Variants in APOB observed in about 807,000 individuals in gnomAD.
APOB encodes apolipoprotein B, also known as apolipoprotein B-100.
A neutral mutation model predicts 314.1 loss-of-function variants in APOB; 153 were observed. The ratio of observed to expected loss-of-function variants is 0.49; its 90% confidence interval spans 0.43 to 0.56. The LOEUF (loss-of-function observed/expected upper bound fraction) is 0.56. Among genes scored for constraint, APOB ranks in the 20% least tolerant of loss-of-function variants. APOB has a pLI of 0.00. For missense variants in APOB, 5,430 were observed against 5,350.7 expected (o/e 1.01, Z -0.46); for synonymous variants, 2,087 against 2,036.4 (o/e 1.02, Z -0.67).
Position 21,016,540 on chromosome 2 carries a change from G to A in APOB, c.3231C>T (p.Leu1077=), listed in dbSNP as rs1663468272. ...PDFDVDLGTI[L]RVNDESTEGK... ...CCTCAGTAGATTCATCATTAACTCT[G>A]AGGATTGTTCCGAGGTCAACATCAA... The change falls in exon 21 of 29, where the codon CTC becomes CTT. Residue 1077 remains leucine, a synonymous_variant. Coordinates refer to ENST00000233242, the MANE Select transcript of APOB (RefSeq NM_000384.3). 3.7e-6 allele frequency: 6 copies of A among 1,606,444 alleles called. No homozygotes were observed. The highest frequency in any genetic ancestry group is 4.3e-6 in the Non-Finnish European group (5 of 1,172,950).
In APOB at chr2:21,006,665, CAG is replaced by C. The variant is rs1453692274; in HGVS notation, c.10201_10202del (p.Leu3401GlufsTer8). The C allele has an allele frequency of 6.2e-7, 1 of 1,614,086 alleles. No homozygotes were observed. Among genetic ancestry groups the C allele is most frequent in the South Asian group, 1.1e-5 (1 of 91,080 alleles). On this transcript the variant is annotated frameshift_variant, in exon 26 of 29. Transcript: ENST00000233242. LOFTEE classifies it high-confidence loss of function. ...GACTACCCTCCACAAATTTGTTGCT[CAG>C]AGACAGAGCTGTGGCTAACTTCAAT... ...RGLKLATALS[L>X]SNKFVEGSHN...
At position 21,019,729 on chromosome 2, in the gene APOB, TC is replaced by T; in HGVS notation, c.2992del (p.Asp998ThrfsTer4). The T allele has an allele frequency of 6.2e-7, 1 of 1,614,084 alleles. No individual in the cohort carries two copies. Among genetic ancestry groups the T allele is most frequent in the Admixed American group, 1.7e-5 (1 of 60,018 alleles). On this transcript the variant is annotated frameshift_variant, in exon 19 of 29. Coordinates refer to ENST00000233242, the MANE Select transcript of APOB (RefSeq NM_000384.3). LOFTEE classifies it high-confidence loss of function. Reference protein sequence around the residue: ...DSASYYPLTGDTRLELELRPT... With the variant: ...DSASYYPLTGXTRLELELRPT... ...GGCACTGAGCATCTCTAACCTGGTG[TC>T]CCCGGTCAGCGGATAGTAGGAGGCG... is the stretch of plus-strand genomic sequence containing the variant.
At chr2:21,013,131 G>T (rs182531066) in intron 25 of APOB, 29 bp downstream of exon 25, 1 of 1,612,336 alleles carries the variant, frequency 6.2e-7, no homozygotes, top group African/African-American at 1.3e-5. Context: ...GAACTAGCCC[G>T]GTGCACCCTT....
At chr2:21,035,447 G>C in intron 7 of APOB, 137 bp downstream of exon 7, 2 of 1,141,324 alleles carry the variant, frequency 1.8e-6, no homozygotes, top group Non-Finnish European at 2.6e-6. Context: ...TAAAAAGGGG[G>C]ACAGGGAGGG....
intron 6 of APOB, among the ~76,000 whole-genome samples, chr2:21,036,142 G>A (rs1053754831): frequency 6.6e-6 from 1 of 152,128 alleles, no homozygotes; most frequent in Non-Finnish European, 1.5e-5. Context: ...TCAGGCCCAG[G>A]ACTTCTTGTC....
In APOB at chr2:21,009,951, G is replaced by A. The variant is rs761315727; in HGVS notation, c.6917C>T (p.Ser2306Leu). The A allele has an allele frequency of 4.3e-6, 7 of 1,613,650 alleles. No homozygotes were observed. The South Asian group carries it at 6.6e-5, about 15-fold the overall frequency. ...VLLDQLGTTI[S>L]FERINDILEH... ...AAGAATGTCATTTATTCTTTCAAAT[G>A]AAATTGTAGTTCCCAATTGATCTAA... Residue 2306 changes from serine (S) to leucine (L), a missense_variant, in exon 26 of 29, where the codon TCA (serine) becomes TTA (leucine). Ser to Leu is a moderately radical substitution (Grantham distance 145). Coordinates refer to ENST00000233242, the MANE Select transcript of APOB (RefSeq NM_000384.3).
intron 3 of APOB, among the ~76,000 whole-genome samples, chr2:21,042,065 T>A (rs12714254): frequency 6.6e-6 from 1 of 152,198 alleles, no homozygotes; most frequent in African/African-American, 2.4e-5. Flanking sequence ...CACGCTGAAA[T>A]CTACAGACCC....
At chr2:21,041,931 A>G (rs1369116575) in intron 3 of APOB, among the ~76,000 whole-genome samples, 1 of 152,098 alleles carries the variant, frequency 6.6e-6, no homozygotes, top group African/African-American at 2.4e-5. Flanking sequence ...GTATGTTTAT[A>G]TTTTTTTCTT....
chr2:21,035,576 T>C lies in APOB; in HGVS notation c.818+8A>G, dbSNP rs1663981907. 1 of 1,613,930 alleles carries C rather than the reference T, an allele frequency of 6.2e-7. No individual in the cohort carries two copies. The highest frequency in any genetic ancestry group is 8.5e-7 in the Non-Finnish European group (1 of 1,180,032). On this transcript the variant is annotated splice_region_variant and intron_variant, in intron 7 of 28. Coordinates refer to ENST00000233242, the MANE Select transcript of APOB (RefSeq NM_000384.3). ...AATGACAAATCAGGGGTGCATCACATGACCTACTTGTAGGAGAAAGGCAGG... is the reference window on the plus strand; with the variant it reads ...AATGACAAATCAGGGGTGCATCACACGACCTACTTGTAGGAGAAAGGCAGG...
chr2:21,022,761 C>G (rs1236141266), intron 18 of APOB, 70 bp downstream of exon 18: 4 of 1,493,358 alleles, frequency 2.7e-6, no homozygotes, highest in Non-Finnish European at 2.8e-6. Flanking sequence ...TTTAGCCTGG[C>G]AAAATTCTGC....
intron 2 of APOB, 70 bp from the exon 3 acceptor site, chr2:21,042,546 G>A: frequency 1.9e-6 from 2 of 1,074,756 alleles, no homozygotes; most frequent in Non-Finnish European, 2.9e-6. Context: ...ATTCTGGGCA[G>A]AGAGGGGCAG....
Position 21,012,671 on chromosome 2 carries a change from A to ATTTC in APOB, c.4217-21_4217-20insGAAA. On this transcript the variant is annotated intron_variant, in intron 25 of 28. Transcript: ENST00000233242. ...CAGATCCTAACATAAAAATGAAAAG[A>ATTTC]CATTGGTTAAATTAAGCAGTACATT... 7 of 1,606,138 alleles carry ATTTC rather than the reference A, an allele frequency of 4.4e-6. No individual in the cohort carries two copies. The highest frequency in any genetic ancestry group is 5.9e-6 in the Non-Finnish European group (7 of 1,178,772).
chr2:21,006,029 G>C lies in APOB; in HGVS notation c.10839C>G (p.Phe3613Leu), dbSNP rs1409366202. 6.2e-7 allele frequency: 1 copy of C among 1,613,914 alleles called. No homozygotes were observed. Among genetic ancestry groups the C allele is most frequent in the Admixed American group, 1.7e-5 (1 of 59,962 alleles). Residue 3613 changes from phenylalanine to leucine, a missense_variant, in exon 26 of 29, where the codon TTC becomes TTG. Phe to Leu is a conservative substitution (Grantham distance 22). This residue lies in a region of APOB where 3,281 missense variants were observed against 3,171.0 expected (regional missense o/e 1.03). Transcript: ENST00000233242. ...GGGCCACTTCCTGGCCAAGGTCAGG[G>C]AAATCATGGAAGGAACTGGGCTGAC... ...HASQPSSFHD[F>L]PDLGQEVALN...
rs779162203 is a variant in APOB at position 21,007,395 on chromosome 2, A to G, written c.9473T>C (p.Leu3158Ser). The stretch of plus-strand genomic sequence containing the variant: ...CTTTGTCGTTTTCAAGAATTCCTTC[A>G]AGCCTGTTTTTTCCCATAGAGAGAA... ...KDFSLWEKTG[L>S]KEFLKTTKQS... The change falls in exon 26 of 29, where the codon TTG becomes TCG. Residue 3158 changes from leucine (L) to serine (S), a missense_variant. This residue lies in a region of APOB where 3,281 missense variants were observed against 3,171.0 expected (regional missense o/e 1.03). Coordinates refer to ENST00000233242, the MANE Select transcript of APOB (RefSeq NM_000384.3). 4.3e-6 allele frequency: 7 copies of G among 1,613,930 alleles called. No individual in the cohort carries two copies. The highest frequency in any genetic ancestry group is 3.4e-6 in the Non-Finnish European group (4 of 1,179,960).
rs746534965 is a variant in APOB at position 21,001,639 on chromosome 2, G to C, written c.*91C>G. 5 of 1,324,578 alleles carry C rather than the reference G, an allele frequency of 3.8e-6. No homozygotes were observed. The highest frequency in any genetic ancestry group is 5.4e-6 in the Non-Finnish European group (5 of 929,926). The allele number at this position is 1,324,578 out of a possible 1,614,324, so 82.1% of individuals were successfully genotyped here. On this transcript the variant is annotated 3_prime_UTR_variant, in exon 29 of 29. Transcript: ENST00000233242. The stretch of plus-strand genomic sequence containing the variant: ...CTACTGCAAGGCTGGCTCACTGTAT[G>C]GTTTTATCAATATAGGCAGTTTGAA...
chr2:21,040,759 A>G (rs1167892840), intron 4 of APOB, among the ~76,000 whole-genome samples, 179 bp downstream of exon 4: 2 of 152,258 alleles, frequency 1.3e-5, no homozygotes, highest in African/African-American at 2.4e-5. Flanking sequence ...GAACCTAACT[A>G]GGGAAGGTTA....
At position 21,012,594 on chromosome 2, in the gene APOB, G is replaced by T. The variant is rs767810570; in HGVS notation, c.4274C>A (p.Ser1425Tyr). ...KNTFTLSCDG[S>Y]LRHKFLDSNI... Reference sequence around the variant, plus strand: ...CGAATCTAGAAATTTGTGGCGTAGAGACCCATCACATGATAGTGTGAACGT... The same window carrying T: ...CGAATCTAGAAATTTGTGGCGTAGATACCCATCACATGATAGTGTGAACGT... Residue 1425 changes from serine (S) to tyrosine (Y), a missense_variant, in exon 26 of 29, where the codon TCT becomes TAT. Around this residue, in one of 3 missense-constraint regions of APOB, gnomAD observed 2,085 missense variants for 2,079.7 expected, o/e 1.00. Transcript: ENST00000233242. The T allele has an allele frequency of 4.8e-5, 77 of 1,613,212 alleles. No homozygotes were observed. The highest frequency in any genetic ancestry group is 7.6e-6 in the Non-Finnish European group (9 of 1,179,420).
At position 21,015,265 on chromosome 2, in the gene APOB, A is replaced by G. The variant is rs1558567086; in HGVS notation, c.3509-5T>C. On this transcript the variant is annotated splice_region_variant and splice_polypyrimidine_tract_variant and intron_variant, in intron 22 of 28. Transcript: ENST00000233242. ...CAAATTCAATCTTCTCTTCATCTGA[A>G]AATACGTAGGAAATAGTTGTGAATG... The G allele has an allele frequency of 6.2e-7, 1 of 1,614,004 alleles. No homozygotes were observed. The highest frequency in any genetic ancestry group is 8.5e-7 in the Non-Finnish European group (1 of 1,179,992).
chr2:21,014,638 C>T (rs780627309), intron 23 of APOB, 45 bp from the exon 24 acceptor site: 8 of 1,609,110 alleles, frequency 5.0e-6, no homozygotes, highest in Non-Finnish European at 5.1e-6. Context: ...CTTGGATGAG[C>T]CTCAAAGAGC....
Sources: gnomAD v4.1 joint callset for allele counts (sites outside exome capture counted in the v4.1 genomes callset) on GRCh38, gnomAD v4.1.1 for gene constraint, gnomAD v4.1.1 regional missense constraint, MANE v1.5 for transcripts, NCBI Gene and HGNC (gene_info 2026-07-23, HGNC 2026-07-21) for gene names.